The following MIPOL1 variants were observed in gnomAD, a reference collection of about 807,000 sequenced individuals.
The protein encoded by MIPOL1 is mirror-image polydactyly 1, also known as mirror-image polydactyly gene 1 protein.
Under a neutral mutation model 60.9 loss-of-function variants are expected in MIPOL1, and 57 were observed. The observed-to-expected ratio is 0.94, with a 90% CI of 0.76 to 1.17. The LOEUF (loss-of-function observed/expected upper bound fraction) is 1.17. Ranked by LOEUF, MIPOL1 falls within the 50% of genes most tolerant of loss-of-function variation. MIPOL1 has a pLI of 0.00. For synonymous variants in MIPOL1, 179 were observed against 168.8 expected (o/e 1.06, Z -0.47); for missense variants, 551 against 511.6 (o/e 1.08, Z -0.74).
Position 37,408,500 on chromosome 14 carries a change from T to A in MIPOL1, c.937-14355T>A, listed in dbSNP as rs117501505. On this transcript the variant is annotated intron_variant, in intron 10 of 12. Transcript: ENST00000684589. The stretch of plus-strand genomic sequence containing the variant: ...CAAAAATTAGTTGGGTGTGGTGGCA[T>A]GTACCTATAGTCCCGGCTACCCAGG... Among the ~76,000 whole-genome samples, 547 of 152,086 alleles carry A rather than the reference T, an allele frequency of 3.6e-3. 5 individuals are homozygous for A. The highest frequency in any genetic ancestry group is 0.034 in the East Asian group (177 of 5,156).
chr14:37,414,292 C>G (rs2093727475), intron 10 of MIPOL1, among the ~76,000 whole-genome samples: 1 of 152,028 alleles, frequency 6.6e-6, no homozygotes. Context: ...ATTTATACAC[C>G]CACCCAAAAT....
chr14:37,255,419 T>A (rs918232246), intron 3 of MIPOL1, among the ~76,000 whole-genome samples: 1 of 151,810 alleles, frequency 6.6e-6, no homozygotes, highest in African/African-American at 2.4e-5. Flanking sequence ...AATACATTTT[T>A]AAAAAGTTTC....
Position 37,434,810 on chromosome 14 carries a change from G to A in MIPOL1, c.1031+11861G>A, listed in dbSNP as rs114943311. On this transcript the variant is annotated intron_variant, in intron 11 of 12. Coordinates refer to ENST00000684589, the MANE Select transcript of MIPOL1 (RefSeq NM_001388067.1). ...CTACTCATAATTATAGAGGCCGTCT[G>A]TTGTGCTCAAAGTCTACTGATTAAA... 4.8e-3 allele frequency among the ~76,000 whole-genome samples: 702 copies of A among 147,028 alleles called. 4 individuals carry two copies. Among genetic ancestry groups the A allele is most frequent in the African/African-American group, 0.016 (622 of 39,738 alleles).
intron 6 of MIPOL1, among the ~76,000 whole-genome samples, chr14:37,271,016 A>G (rs1319111252): frequency 1.3e-5 from 2 of 152,130 alleles, no homozygotes; most frequent in Non-Finnish European, 2.9e-5. Context: ...GTAGACGCTA[A>G]TAGAGGTAAT....
chr14:37,248,386 A>G (rs939156737), intron 3 of MIPOL1, among the ~76,000 whole-genome samples: 3 of 152,086 alleles, frequency 2.0e-5, no homozygotes, highest in Non-Finnish European at 2.9e-5. Flanking sequence ...AAAGAGAAGC[A>G]TACACAGAGA....
Position 37,461,957 on chromosome 14 carries a change from C to A in MIPOL1, c.1032-37951C>A, listed in dbSNP as rs1390418643. Among the ~76,000 whole-genome samples the A allele has an allele frequency of 3.3e-5, 5 of 152,254 alleles. 1 individual carries two copies. In the East Asian group the frequency reaches 9.7e-4, roughly 30 times the overall value. On this transcript the variant is annotated intron_variant, in intron 11 of 12. Coordinates refer to ENST00000684589, the MANE Select transcript of MIPOL1 (RefSeq NM_001388067.1). Reference sequence around the variant, plus strand: ...GCAAGCTGTCAGTAGATCTACCATTCTGGGGTCTGGAAGACAGTGGCCCTC... The same window carrying A: ...GCAAGCTGTCAGTAGATCTACCATTATGGGGTCTGGAAGACAGTGGCCCTC...
chr14:37,374,002 A>G (rs1714659014), intron 10 of MIPOL1, among the ~76,000 whole-genome samples: 1 of 152,170 alleles, frequency 6.6e-6, no homozygotes, highest in Non-Finnish European at 1.5e-5. Flanking sequence ...TCCCACCAAC[A>G]GTGTAAAAAC....
chr14:37,206,422 G>A (rs1395394635), intron 1 of MIPOL1, among the ~76,000 whole-genome samples: 1 of 152,220 alleles, frequency 6.6e-6, no homozygotes, highest in Non-Finnish European at 1.5e-5. Flanking sequence ...GGAAATGCCT[G>A]GATATCCAGG....
At position 37,498,835 on chromosome 14, in the gene MIPOL1, ATAACT is replaced by A. The variant is rs2095171762; in HGVS notation, c.1032-1069_1032-1065del. Among the ~76,000 whole-genome samples the A allele has an allele frequency of 2.0e-5, 3 of 152,270 alleles. No homozygotes were observed. In the South Asian group the frequency reaches 6.2e-4, roughly 31 times the overall value. ...ATAAGCATACTGTAAAGGCTTATAG[ATAACT>A]TAAACTAAAAGAGGAAATTTATAAT... is the stretch of plus-strand genomic sequence containing the variant. On this transcript the variant is annotated intron_variant, in intron 11 of 12. Transcript: ENST00000684589.
At chr14:37,330,178 A>G (rs1297722078) in intron 9 of MIPOL1, among the ~76,000 whole-genome samples, 1 of 152,120 alleles carries the variant, frequency 6.6e-6, no homozygotes, top group Non-Finnish European at 1.5e-5. Context: ...CATTTTAATT[A>G]CATTCTGATT....
intron 10 of MIPOL1, among the ~76,000 whole-genome samples, chr14:37,386,187 T>G (rs1427225118): frequency 6.6e-6 from 1 of 152,068 alleles, no homozygotes; most frequent in Non-Finnish European, 1.5e-5. Flanking sequence ...CTCTGAAATA[T>G]TATATAAACT....
chr14:37,366,112 C>G (rs1201574864), intron 9 of MIPOL1, among the ~76,000 whole-genome samples: 4 of 151,310 alleles, frequency 2.6e-5, no homozygotes, highest in African/African-American at 9.7e-5. Context: ...CTTAGTCTGG[C>G]TTTTGTTATA....
chr14:37,294,122 A>C (rs944743693), intron 7 of MIPOL1, among the ~76,000 whole-genome samples: 2 of 152,172 alleles, frequency 1.3e-5, no homozygotes, highest in African/African-American at 4.8e-5. Context: ...TTCTAGAGGA[A>C]CGATCAGGCA....
At chr14:37,329,276 A>G (rs956494771) in intron 9 of MIPOL1, among the ~76,000 whole-genome samples, 14 of 152,248 alleles carry the variant, frequency 9.2e-5, no homozygotes, top group African/African-American at 3.4e-4. Flanking sequence ...TGACTTCATT[A>G]AAAACTAGAA....
At chr14:37,542,679 A>C in intron 12 of MIPOL1, among the ~76,000 whole-genome samples, 1 of 152,098 alleles carries the variant, frequency 6.6e-6, no homozygotes. Flanking sequence ...TTCCATACCC[A>C]AGGTAGGTTC....
intron 1 of MIPOL1, among the ~76,000 whole-genome samples, chr14:37,226,218 C>T (rs1350043228): frequency 6.6e-6 from 1 of 152,170 alleles, no homozygotes; most frequent in Non-Finnish European, 1.5e-5. Context: ...AAAGTTGATT[C>T]CACATTTTTG....
At position 37,361,244 on chromosome 14, in the gene MIPOL1, C is replaced by T. The variant is rs536365174; in HGVS notation, c.829-8273C>T. Among the ~76,000 whole-genome samples the T allele has an allele frequency of 1.2e-4, 18 of 152,178 alleles. No individual in the cohort carries two copies. The South Asian group carries it at 2.9e-3, about 25-fold the overall frequency. On this transcript the variant is annotated intron_variant, in intron 9 of 12. Coordinates refer to ENST00000684589, the MANE Select transcript of MIPOL1 (RefSeq NM_001388067.1). ...AGGAATTCTTTACTTCCAATTATGT[C>T]GTCAATTTTAGAATAAGTGCAATGT...
chr14:37,487,113 T>C (rs2094960052), intron 11 of MIPOL1, among the ~76,000 whole-genome samples: 2 of 152,156 alleles, frequency 1.3e-5, no homozygotes, highest in Non-Finnish European at 2.9e-5. Flanking sequence ...TTGTCATTGG[T>C]TCTGTTTATA....
chr14:37,293,651 A>G (rs1043911335), intron 7 of MIPOL1, among the ~76,000 whole-genome samples: 4 of 152,194 alleles, frequency 2.6e-5, no homozygotes, highest in Admixed American at 2.0e-4. Flanking sequence ...ACGGCACACC[A>G]GGAGATTATA....
Sources: gnomAD v4.1 joint callset for allele counts (sites outside exome capture counted in the v4.1 genomes callset) on GRCh38, gnomAD v4.1.1 for gene constraint, MANE v1.5 for transcripts, NCBI Gene and HGNC (gene_info 2026-07-23, HGNC 2026-07-21) for gene names.